Variants in APLF observed in about 807,000 individuals in gnomAD.
APLF encodes aprataxin and PNKP like factor, also known as aprataxin and PNK-like factor.
In APLF, 61 loss-of-function variants were observed where a neutral mutation model predicts 55.6. The observed-to-expected ratio is 1.10, with a 90% CI of 0.89 to 1.36. The LOEUF is 1.36. Among genes scored for constraint, APLF ranks in the 40% most tolerant of loss-of-function variants. The pLI, the probability that APLF is intolerant of heterozygous loss-of-function variation, is 0.00. For missense variants in APLF, 611 were observed against 602.5 expected, an observed-to-expected ratio of 1.01 and a Z score of -0.15; for synonymous variants, 207 against 214.8, an observed-to-expected ratio of 0.96 and a Z score of 0.32.
At chr2:68,533,622 A>G (rs1031842624) in intron 6 of APLF, among the ~76,000 whole-genome samples, 1 of 152,164 alleles carries the variant, frequency 6.6e-6, no homozygotes, top group African/African-American at 2.4e-5. Flanking sequence ...AAGATGAAGC[A>G]TCTGTGATAG....
At chr2:68,560,177 A>G (rs115735590) in intron 8 of APLF, among the ~76,000 whole-genome samples, 3 of 152,156 alleles carry the variant, frequency 2.0e-5, no homozygotes, top group African/African-American at 4.8e-5. Context: ...CTTCATGGCA[A>G]TCACTTCCTG....
chr2:68,483,919 T>C (rs1676047086), intron 1 of APLF, among the ~76,000 whole-genome samples: 1 of 152,184 alleles, frequency 6.6e-6, no homozygotes, highest in Non-Finnish European at 1.5e-5. Context: ...AAAAATTAAC[T>C]TGTGTTGTCT....
At chr2:68,562,748 C>G (rs957606544) in intron 8 of APLF, among the ~76,000 whole-genome samples, 6 of 151,910 alleles carry the variant, frequency 3.9e-5, no homozygotes, top group Admixed American at 2.0e-4. Context: ...AGAGTAGAAA[C>G]AAAAGATTGA....
At chr2:68,568,406 A>T (rs998388933) in intron 9 of APLF, 7 of 748,088 alleles carry the variant, frequency 9.4e-6, no homozygotes, top group Non-Finnish European at 9.8e-6. Context: ...GACATTTCTT[A>T]TTGAAACACA....
At chr2:68,524,331 C>T (rs1219996506) in intron 5 of APLF, among the ~76,000 whole-genome samples, 1 of 151,984 alleles carries the variant, frequency 6.6e-6, no homozygotes, top group Non-Finnish European at 1.5e-5. Flanking sequence ...GACAGTATTC[C>T]ATTGGCATTT....
intron 2 of APLF, among the ~76,000 whole-genome samples, chr2:68,497,995 T>C (rs1258967944): frequency 6.8e-6 from 1 of 146,524 alleles, no homozygotes; most frequent in Non-Finnish European, 1.5e-5. Context: ...TTGAAATAGA[T>C]TGATGTATTT....
Position 68,579,240 on chromosome 2 carries a change from G to A in APLF, c.*1218G>A. On this transcript the variant is annotated 3_prime_UTR_variant, in exon 10 of 10. Transcript: ENST00000303795. ...ACAATATTTAATATTTACTTAAACT[G>A]GAACAAGAATAAGATAAACATTTCT... is the stretch of plus-strand genomic sequence containing the variant. 3 of 812,154 alleles carry A rather than the reference G, an allele frequency of 3.7e-6. No individual in the cohort carries two copies. Among genetic ancestry groups the A allele is most frequent in the Non-Finnish European group, 4.5e-6 (3 of 672,522 alleles). 50.3% of individuals were successfully genotyped at this position (812,154 alleles called of 1,614,324 possible). A position where few individuals can be genotyped will look rare whatever the true frequency, so the allele number is the denominator to read the frequency against.
Position 68,513,077 on chromosome 2 carries a change from T to C in APLF, c.342-3T>C, listed in dbSNP as rs377162421. On this transcript the variant is annotated splice_polypyrimidine_tract_variant and splice_region_variant and intron_variant, in intron 3 of 9. Coordinates refer to ENST00000303795, the MANE Select transcript of APLF (RefSeq NM_173545.3). ...AAAGACCAGTTTCTATTTTATCTTA[T>C]AGAAACAGTCAAGTGCTTGATGAAG... 36 of 1,598,190 alleles carry C rather than the reference T, an allele frequency of 2.3e-5. No homozygotes were observed. Among genetic ancestry groups the C allele is most frequent in the Middle Eastern group, 3.3e-4 (2 of 5,976 alleles).
chr2:68,482,825 G>C (rs1358470381), intron 1 of APLF, among the ~76,000 whole-genome samples: 1 of 152,118 alleles, frequency 6.6e-6, no homozygotes, highest in East Asian at 1.9e-4. Flanking sequence ...ACTGGGGGTG[G>C]TCTGCTGTTT....
chr2:68,508,326 GT>G (rs1676936966), intron 3 of APLF, among the ~76,000 whole-genome samples: 1 of 151,824 alleles, frequency 6.6e-6, no homozygotes. Context: ...GGGTCAGTTG[GT>G]TTTTGACAAA....
rs553941051 is a variant in APLF, at chr2:68,500,546, T to G, written c.169-2185T>G. Among the ~76,000 whole-genome samples, 9 of 152,330 alleles carry G rather than the reference T, an allele frequency of 5.9e-5. No homozygotes were observed. The East Asian group carries it at 1.2e-3, about 20-fold the overall frequency. On this transcript the variant is annotated intron_variant, in intron 2 of 9. Transcript: ENST00000303795. ...GCCTTTGTATTTAACATCCTAGCCT[T>G]TGTAAGTTTGGGACCATGTCAGTAT...
chr2:68,484,496 C>T (rs1558527901), intron 1 of APLF, among the ~76,000 whole-genome samples: 1 of 151,902 alleles, frequency 6.6e-6, no homozygotes, highest in Non-Finnish European at 1.5e-5. Context: ...CGAGACCAGC[C>T]TGACCAACAT....
chr2:68,544,882 T>C (rs1670656463), intron 7 of APLF, among the ~76,000 whole-genome samples: 1 of 152,198 alleles, frequency 6.6e-6, no homozygotes, highest in African/African-American at 2.4e-5. Flanking sequence ...ATTTATGTTA[T>C]ATGCTTACAT....
intron 3 of APLF, among the ~76,000 whole-genome samples, chr2:68,503,336 A>G (rs1310707503): frequency 6.6e-6 from 1 of 152,136 alleles, no homozygotes. Flanking sequence ...AAAATATAGA[A>G]CAGAGAAACT....
rs377257434 is a variant in APLF, at chr2:68,520,817, T to C, written c.623-5244T>C. On this transcript the variant is annotated intron_variant, in intron 5 of 9. Coordinates refer to ENST00000303795, the MANE Select transcript of APLF (RefSeq NM_173545.3). ...TGTTTTGGGCTGTCTTTTGGTTTCA[T>C]ATGAATTTTGGGATTGTTTTTTCTA... Among the ~76,000 whole-genome samples, 20 of 152,144 alleles carry C rather than the reference T, an allele frequency of 1.3e-4. No homozygotes were observed. In the East Asian group the frequency reaches 3.9e-3, roughly 29 times the overall value.
intron 3 of APLF, among the ~76,000 whole-genome samples, chr2:68,504,913 C>A (rs141134976): frequency 6.7e-4 from 102 of 152,106 alleles, no homozygotes; most frequent in Non-Finnish European, 1.3e-3. Flanking sequence ...TAAGAAGCTA[C>A]AAAGGAGCTT....
chr2:68,539,973 T>C (rs1297126841), intron 7 of APLF, among the ~76,000 whole-genome samples: 1 of 152,172 alleles, frequency 6.6e-6, no homozygotes, highest in Non-Finnish European at 1.5e-5. Context: ...ACAGGTGACA[T>C]GATTGTATAA....
chr2:68,514,182 T>A (rs1669501359), intron 5 of APLF, among the ~76,000 whole-genome samples: 1 of 151,778 alleles, frequency 6.6e-6, no homozygotes, highest in African/African-American at 2.4e-5. Flanking sequence ...CCGATGAGAT[T>A]CCCCATTTAT....
At chr2:68,546,926 G>A (rs1265270780) in intron 8 of APLF, among the ~76,000 whole-genome samples, 1 of 151,732 alleles carries the variant, frequency 6.6e-6, no homozygotes, top group East Asian at 1.9e-4. Context: ...AAGGAAAATG[G>A]ATAAGGATTG....
Sources: gnomAD v4.1 joint callset for allele counts (sites outside exome capture counted in the v4.1 genomes callset) on GRCh38, gnomAD v4.1.1 for gene constraint, MANE v1.5 for transcripts, NCBI Gene and HGNC (gene_info 2026-07-23, HGNC 2026-07-21) for gene names.